NKD1: variants seen among roughly 807,000 people sequenced by gnomAD.
NKD1 encodes NKD inhibitor of Wnt signaling pathway 1.
A neutral mutation model predicts 56.0 loss-of-function variants in NKD1; 21 were observed. That is an observed-to-expected ratio of 0.38 (90% CI 0.27 to 0.54). The LOEUF is 0.54. Ranked by LOEUF, NKD1 falls within the 20% of genes least tolerant of loss-of-function variation. The probability of loss-of-function intolerance (pLI) is 0.82; values close to 1 mark genes in which losing one functional copy is unlikely to be tolerated. For missense variants in NKD1, 578 were observed against 642.7 expected (o/e 0.90, Z 1.09); for synonymous variants, 263 against 265.7 (o/e 0.99, Z 0.10).
At chr16:50,625,900 G>A (rs376179723) in intron 6 of NKD1, among the ~76,000 whole-genome samples, 210 of 152,360 alleles carry the variant, frequency 1.4e-3, no homozygotes, top group Middle Eastern at 6.8e-3. Flanking sequence ...GGCCCTAACC[G>A]AGTCCTGTCC....
chr16:50,561,600 C>T (rs760007235), intron 3 of NKD1, among the ~76,000 whole-genome samples: 21 of 152,136 alleles, frequency 1.4e-4, no homozygotes, highest in Non-Finnish European at 8.8e-5. Context: ...GTTGGCCTCA[C>T]CTCATGAGTA....
chr16:50,553,553 A>T (rs920168343), intron 3 of NKD1: 1 of 152,244 alleles, frequency 6.6e-6, no homozygotes, highest in African/African-American at 2.4e-5. Context: ...AGGCTGGCCC[A>T]GCTGTTGCCC....
rs138964473 is a variant in NKD1, at chr16:50,598,262, T to TGTGTGTGTGTGCGCGC, written c.193-10031_193-10030insTGTGTGTGTGCGCGCG. ...GTGTGTGTGTGTGTGTGTGTGTGTG[T>TGTGTGTGTGTGCGCGC]GCGCGCACACCTGTGCTCATGGACA... On this transcript the variant is annotated intron_variant, in intron 3 of 9. Transcript: ENST00000268459. This position sits in a 1 kb window ranked among gnomAD's most constrained non-coding sequence, Gnocchi z 4.2. Among the ~76,000 whole-genome samples, 1,500 of 148,556 alleles carry TGTGTGTGTGTGCGCGC rather than the reference T, an allele frequency of 0.01. 29 individuals carry two copies. The highest frequency in any genetic ancestry group is 0.037 in the African/African-American group (1,437 of 39,058).
intron 3 of NKD1, chr16:50,573,800 G>A: frequency 2.0e-6 from 2 of 985,190 alleles, no homozygotes; most frequent in Middle Eastern, 5.2e-4. Context: ...ATTCAGTTAG[G>A]TGTCTGAGAA....
Position 50,549,522 on chromosome 16 carries a change from G to A in NKD1, c.159G>A (p.Leu53=). ...GCGGTGTCTCGGGACCCCGACAGCT[G>A]CGGTTGGCGGGCACCATAGGCCGAA... The part of the protein sequence containing the change: ...CPGGVSGPRQ[L]RLAGTIGRST... Residue 53 remains leucine, a synonymous_variant, in exon 3 of 10, where the codon CTG becomes CTA. Transcript: ENST00000268459. 1 of 1,607,672 alleles carries A rather than the reference G, an allele frequency of 6.2e-7. No individual in the cohort carries two copies.
intron 3 of NKD1, chr16:50,558,532 G>A (rs1483550374): frequency 2.0e-5 from 3 of 152,194 alleles, no homozygotes; most frequent in East Asian, 1.9e-4. Context: ...CTCATTGCCA[G>A]GAAGCTGTGC....
intron 3 of NKD1, among the ~76,000 whole-genome samples, chr16:50,590,343 G>T (rs1280021182): frequency 1.3e-5 from 2 of 152,164 alleles, no homozygotes; most frequent in East Asian, 3.8e-4. Flanking sequence ...GATGGAGGAA[G>T]AAAAAAATCC....
intron 6 of NKD1, among the ~76,000 whole-genome samples, 183 bp from the exon 7 acceptor site, chr16:50,630,003 C>T (rs1266068415): frequency 1.3e-5 from 2 of 152,150 alleles, no homozygotes; most frequent in African/African-American, 4.8e-5. Context: ...CTCCCTGCTC[C>T]CTCATTTCTG....
intron 4 of NKD1, among the ~76,000 whole-genome samples, chr16:50,620,580 C>T (rs191669281): frequency 2.6e-5 from 4 of 152,270 alleles, no homozygotes; most frequent in African/African-American, 7.2e-5. Context: ...TTTACTACCC[C>T]AGGGCAACAG....
rs1962596292 is a variant in NKD1, at chr16:50,642,451, G to A, written c.*8670G>A. 1 of 152,330 alleles carries A rather than the reference G, an allele frequency of 6.6e-6. No individual in the cohort carries two copies. The highest frequency in any genetic ancestry group is 1.5e-5 in the Non-Finnish European group (1 of 68,102). 9.4% of individuals were successfully genotyped at this position (152,330 alleles called of 1,614,324 possible). ...TGCAGCCTGGGGGTTTGGCTAAGATGAGCAGACTGGCCCATGGTTGAGACT... is the reference window on the plus strand; with the variant it reads ...TGCAGCCTGGGGGTTTGGCTAAGATAAGCAGACTGGCCCATGGTTGAGACT... On this transcript the variant is annotated 3_prime_UTR_variant, in exon 10 of 10. Transcript: ENST00000268459.
In NKD1 at chr16:50,639,964, C is replaced by T. The variant is rs529270142; in HGVS notation, c.*6183C>T. On this transcript the variant is annotated 3_prime_UTR_variant, in exon 10 of 10. Transcript: ENST00000268459. ...TGGGGACTAGGGCTTGTTGCGACTA[C>T]CAGCTGTCTCATTTTGCTGTACTGC... 23 of 152,324 alleles carry T rather than the reference C, an allele frequency of 1.5e-4. No individual in the cohort carries two copies. Among genetic ancestry groups the T allele is most frequent in the African/African-American group, 5.5e-4 (23 of 41,572 alleles). 9.4% of individuals were successfully genotyped at this position (152,324 alleles called of 1,614,324 possible).
intron 3 of NKD1, among the ~76,000 whole-genome samples, chr16:50,584,075 G>A (rs934722818): frequency 6.6e-6 from 1 of 152,202 alleles, no homozygotes; most frequent in African/African-American, 2.4e-5. Flanking sequence ...CCACATCTGC[G>A]AGTAGGTGGG....
intron 3 of NKD1, among the ~76,000 whole-genome samples, chr16:50,561,755 G>A (rs1157425129): frequency 1.3e-5 from 2 of 152,216 alleles, no homozygotes; most frequent in Non-Finnish European, 1.5e-5. Flanking sequence ...CTTCATTAAA[G>A]CAAGTCACAG....
chr16:50,625,024 G>T (rs1259539715), intron 5 of NKD1, among the ~76,000 whole-genome samples: 4 of 152,262 alleles, frequency 2.6e-5, no homozygotes, highest in Middle Eastern at 3.4e-3. Flanking sequence ...CATGCCCAGG[G>T]TCACACAGCT....
At chr16:50,571,010 G>A in intron 3 of NKD1, 13 of 985,072 alleles carry the variant, frequency 1.3e-5, no homozygotes, top group Non-Finnish European at 1.4e-5. Context: ...CCTCCTGGGT[G>A]TGCACCTGTC....
rs889549982 is a variant in NKD1 at position 50,621,664 on chromosome 16, G to A, written c.322G>A (p.Val108Met). 1 of 1,613,974 alleles carries A rather than the reference G, an allele frequency of 6.2e-7. No homozygotes were observed. The highest frequency in any genetic ancestry group is 8.5e-7 in the Non-Finnish European group (1 of 1,179,986). Residue 108 changes from valine (V) to methionine (M), a missense_variant, in exon 5 of 10, where the codon GTG becomes ATG. Val to Met is a conservative substitution (Grantham distance 21, BLOSUM62 1). Coordinates refer to ENST00000268459, the MANE Select transcript of NKD1 (RefSeq NM_033119.5). ...GSGDEKKMER[V>M]SEPCPGSKKQ... ...CGGAGATGAGAAGAAGATGGAGAGA[G>A]TGAGCGAACCCTGCCCAGGCTCCAA... is the stretch of plus-strand genomic sequence containing the variant.
At chr16:50,566,118 G>GA (rs1960753493) in intron 3 of NKD1, 1 of 983,408 alleles carries the variant, frequency 1.0e-6, no homozygotes, top group Non-Finnish European at 1.2e-6. Context: ...AGCAGCTTCA[G>GA]GGGGAGCTTG....
intron 7 of NKD1, 32 bp from the exon 8 acceptor site, chr16:50,630,794 G>T: frequency 1.3e-6 from 2 of 1,551,636 alleles, no homozygotes; most frequent in Non-Finnish European, 8.7e-7. Flanking sequence ...CAGCTCACCT[G>T]GTGTCTCCTG....
intron 3 of NKD1, among the ~76,000 whole-genome samples, chr16:50,603,628 G>T (rs571887093): frequency 6.6e-6 from 1 of 152,376 alleles, no homozygotes; most frequent in South Asian, 2.1e-4. Flanking sequence ...ACAAAGCACT[G>T]CTGGGGCAGG....
Sources: gnomAD v4.1 joint callset for allele counts (sites outside exome capture counted in the v4.1 genomes callset) on GRCh38, gnomAD v4.1.1 for gene constraint, Gnocchi (gnomAD v3.1) non-coding constraint, MANE v1.5 for transcripts, NCBI Gene and HGNC (gene_info 2026-07-23, HGNC 2026-07-21) for gene names.